The following RHCE variants were observed in gnomAD, a reference collection of about 807,000 sequenced individuals.
RHCE encodes the protein Rh blood group CcEe antigens, also known as blood group Rh(CE) polypeptide.
A neutral mutation model predicts 43.8 loss-of-function variants in RHCE; 22 were observed. The ratio of observed to expected loss-of-function variants is 0.50; its 90% CI spans 0.36 to 0.72. The LOEUF (loss-of-function observed/expected upper bound fraction) is 0.72, where lower values mean the gene tolerates loss of function less well. Among genes scored for constraint, RHCE ranks in the 30% least tolerant of loss-of-function variants. RHCE has a pLI of 0.00. For synonymous variants in RHCE, 156 were observed against 210.7 expected, an observed-to-expected ratio of 0.74 and a Z score of 2.25; for missense variants, 385 against 525.4, an observed-to-expected ratio of 0.73 and a Z score of 2.61.
rs1179142991 is a variant in RHCE, at chr1:25,405,949, AG to A, written c.335+2733del. ...CGGTCAGGAAGGAGCCAGTTTCAGC[AG>A]GGGTCACCCCTAGGGGGATCCAAGC... On this transcript the variant is annotated intron_variant, in intron 2 of 9. Coordinates refer to ENST00000294413, the MANE Select transcript of RHCE (RefSeq NM_020485.8). 1.2e-4 allele frequency among the ~76,000 whole-genome samples: 15 copies of A among 123,042 alleles called. 2 individuals are homozygous for A. The highest frequency in any genetic ancestry group is 3.5e-4 in the African/African-American group (14 of 39,838). The allele number at this position is 123,042 out of a possible 152,430, so 80.7% of individuals were successfully genotyped here. A position where few individuals can be genotyped will look rare whatever the true frequency, so the allele number is the denominator to read the frequency against.
intron 9 of RHCE, among the ~76,000 whole-genome samples, chr1:25,367,826 T>G (rs1571818283): frequency 6.8e-6 from 1 of 147,122 alleles, no homozygotes; most frequent in East Asian, 2.0e-4. Flanking sequence ...ATACAAAAAT[T>G]AGCCTGCCAT....
chr1:25,422,883 C>T (rs576353165), upstream of RHCE, among the ~76,000 whole-genome samples: 18 of 152,268 alleles, frequency 1.2e-4, no homozygotes, highest in South Asian at 1.7e-3. Context: ...CCCTCTCATG[C>T]GCGGTTCCCA....
intron 6 of RHCE, among the ~76,000 whole-genome samples, chr1:25,386,204 G>A (rs1646154290): frequency 6.6e-6 from 1 of 152,208 alleles, no homozygotes; most frequent in Admixed American, 6.5e-5. Flanking sequence ...ACTGTAGGAT[G>A]TTAAGCATCA....
At chr1:25,405,965 G>A (rs1646903281) in intron 2 of RHCE, among the ~76,000 whole-genome samples, 1 of 122,910 alleles carries the variant, frequency 8.1e-6, no homozygotes, top group Admixed American at 8.8e-5. Context: ...CACCCCTAGG[G>A]GGATCCAAGC....
At chr1:25,370,372 T>A in intron 9 of RHCE, 95 bp downstream of exon 9, 1 of 1,088,480 alleles carries the variant, frequency 9.2e-7, no homozygotes, top group Admixed American at 1.8e-5. Context: ...TTTGTTTTTG[T>A]TTTACTCATA....
At chr1:25,395,527 G>C (rs951256987) in intron 3 of RHCE, among the ~76,000 whole-genome samples, 8 of 152,074 alleles carry the variant, frequency 5.3e-5, no homozygotes, top group African/African-American at 1.7e-4. Context: ...CTTTTTGTTT[G>C]TTTGTTTTTT....
chr1:25,418,350 G>T lies in RHCE; in HGVS notation c.148+2289C>A, dbSNP rs376165307. Among the ~76,000 whole-genome samples the T allele has an allele frequency of 6.6e-5, 10 of 150,452 alleles. No individual in the cohort carries two copies. The East Asian group carries it at 8.0e-4, about 12-fold the overall frequency. ...GTCCCTGCTCTCCTCTTTGTTTTTT[G>T]TTGTTGTTGTTGTTTTTGTTTGGTT... On this transcript the variant is annotated intron_variant, in intron 1 of 9. Transcript: ENST00000294413.
intron 7 of RHCE, among the ~76,000 whole-genome samples, chr1:25,382,833 A>T (rs1424831097): frequency 6.6e-6 from 1 of 152,222 alleles, no homozygotes; most frequent in East Asian, 1.9e-4. Flanking sequence ...ACATTCATGA[A>T]TTTAGCCATA....
At chr1:25,414,977 C>A (rs1255572393) in intron 1 of RHCE, among the ~76,000 whole-genome samples, 1 of 152,102 alleles carries the variant, frequency 6.6e-6, no homozygotes, top group Non-Finnish European at 1.5e-5. Context: ...GTAATTGATA[C>A]TCTCTGCTTC....
chr1:25,412,828 C>G (rs1647136544), intron 1 of RHCE, among the ~76,000 whole-genome samples: 1 of 151,348 alleles, frequency 6.6e-6, no homozygotes, highest in Non-Finnish European at 1.5e-5. Flanking sequence ...AGTTTGAGAC[C>G]AGCCTGGCCA....
chr1:25,371,942 G>A (rs1408944263), intron 8 of RHCE, among the ~76,000 whole-genome samples: 1 of 148,190 alleles, frequency 6.7e-6, no homozygotes, highest in Non-Finnish European at 1.5e-5. Flanking sequence ...CAACCAGCAT[G>A]ACGCAGTTAT....
intron 1 of RHCE, chr1:25,411,504 C>T: frequency 5.3e-6 from 8 of 1,520,484 alleles, no homozygotes; most frequent in Non-Finnish European, 6.2e-6. Context: ...AGGGAGGACA[C>T]TGACATTTCC....
chr1:25,377,318 TC>T (rs1228798889), intron 7 of RHCE, among the ~76,000 whole-genome samples: 1 of 151,858 alleles, frequency 6.6e-6, no homozygotes, highest in African/African-American at 2.4e-5. Flanking sequence ...GATCTCAGCC[TC>T]CCGAGTAGCT....
intron 2 of RHCE, among the ~76,000 whole-genome samples, chr1:25,403,563 A>C (rs1646822005): frequency 1.3e-5 from 2 of 152,018 alleles, no homozygotes; most frequent in African/African-American, 4.8e-5. Context: ...TGTACTTATG[A>C]TCTAGACAGG....
At chr1:25,402,314 A>G (rs1646779423) in intron 3 of RHCE, among the ~76,000 whole-genome samples, 1 of 151,834 alleles carries the variant, frequency 6.6e-6, no homozygotes, top group African/African-American at 2.4e-5. Context: ...CCTGGGCTCA[A>G]GCAATCCTTC....
chr1:25,391,221 G>A (rs1646350857), intron 4 of RHCE, among the ~76,000 whole-genome samples: 1 of 152,052 alleles, frequency 6.6e-6, no homozygotes, highest in African/African-American at 2.4e-5. Flanking sequence ...CTCTTGCTCT[G>A]TTGCCCAGGC....
At chr1:25,418,322 C>A (rs747954473) in intron 1 of RHCE, among the ~76,000 whole-genome samples, 1 of 151,756 alleles carries the variant, frequency 6.6e-6, no homozygotes, top group East Asian at 1.9e-4. Flanking sequence ...GCCACCACAC[C>A]CAGTCCCTGC....
Position 25,390,830 on chromosome 1 carries a change from GT to G in RHCE, c.719del (p.Asn240ThrfsTer6). 1 of 1,614,240 alleles carries G rather than the reference GT, an allele frequency of 6.2e-7. No individual in the cohort carries two copies. Among genetic ancestry groups the G allele is most frequent in the South Asian group, 1.1e-5 (1 of 91,088 alleles). Reference sequence around the variant, plus strand: ...CACTGACTGCTAGAGCATAGTAGGTGTTGAACATGGCATTCTTCCTTTGGAT... The same window carrying G: ...CACTGACTGCTAGAGCATAGTAGGTGTGAACATGGCATTCTTCCTTTGGAT... ...SPIQRKNAMF[N>X]TYYALAVSVV... is the part of the protein sequence containing the mutation. On this transcript the variant is annotated frameshift_variant, in exon 5 of 10. Coordinates refer to ENST00000294413, the MANE Select transcript of RHCE (RefSeq NM_020485.8). LOFTEE classifies it high-confidence loss of function.
At chr1:25,405,596 G>A (rs61777615) in intron 2 of RHCE, among the ~76,000 whole-genome samples, 20,329 of 97,100 alleles carry the variant, frequency 0.21, 3,180 homozygotes, top group East Asian at 0.5. Flanking sequence ...AGAGGCTGCA[G>A]TGAGCTATGA....
Sources: gnomAD v4.1 joint callset for allele counts (sites outside exome capture counted in the v4.1 genomes callset) on GRCh38, gnomAD v4.1.1 for gene constraint, MANE v1.5 for transcripts, NCBI Gene and HGNC (gene_info 2026-07-23, HGNC 2026-07-21) for gene names.